Variants in UNC5C observed in about 807,000 individuals in gnomAD.
The protein encoded by UNC5C is netrin receptor UNC5C.
UNC5C carries 47 observed loss-of-function variants against 99.8 expected under a neutral mutation model. The ratio of observed to expected loss-of-function variants is 0.47; its 90% CI spans 0.37 to 0.60. The LOEUF (loss-of-function observed/expected upper bound fraction) is 0.60, where lower values mean the gene tolerates loss of function less well. Among genes scored for constraint, UNC5C ranks in the 20% least tolerant of loss-of-function variants. The pLI is 0.00. For synonymous variants in UNC5C, 487 were observed against 452.2 expected (o/e 1.08, Z -0.98); for missense variants, 1,062 against 1,165.9 (o/e 0.91, Z 1.30).
At chr4:95,484,837 G>T (rs979453506) in intron 1 of UNC5C, among the ~76,000 whole-genome samples, 7 of 151,970 alleles carry the variant, frequency 4.6e-5, no homozygotes, top group African/African-American at 1.7e-4. Flanking sequence ...CAAGGTTAAA[G>T]TAGTGAAGGT....
chr4:95,279,492 T>G (rs1740976528), intron 3 of UNC5C, among the ~76,000 whole-genome samples: 1 of 152,230 alleles, frequency 6.6e-6, no homozygotes, highest in African/African-American at 2.4e-5. Context: ...TATAATTATT[T>G]TGTTTTAATG....
intron 1 of UNC5C, among the ~76,000 whole-genome samples, chr4:95,375,893 C>T (rs181360839): frequency 1.3e-5 from 2 of 151,862 alleles, no homozygotes; most frequent in African/African-American, 2.4e-5. Flanking sequence ...CTGGCTAACA[C>T]GGTGAAACCC....
At chr4:95,420,168 GT>G (rs1560826206) in intron 1 of UNC5C, among the ~76,000 whole-genome samples, 1 of 152,050 alleles carries the variant, frequency 6.6e-6, no homozygotes, top group African/African-American at 2.4e-5. Flanking sequence ...CAGGTTAAAC[GT>G]TTTATTGGAA....
At chr4:95,237,852 G>A (rs1739177651) in intron 7 of UNC5C, among the ~76,000 whole-genome samples, 1 of 152,048 alleles carries the variant, frequency 6.6e-6, no homozygotes, top group African/African-American at 2.4e-5. Context: ...GACCATCCTG[G>A]CCAACATGGT....
intron 1 of UNC5C, among the ~76,000 whole-genome samples, chr4:95,511,494 G>A (rs1207759520): frequency 6.6e-6 from 1 of 152,024 alleles, no homozygotes; most frequent in African/African-American, 2.4e-5. Flanking sequence ...TAAATTACAT[G>A]GAGGAAAACA....
At chr4:95,436,834 G>A (rs993974720) in intron 1 of UNC5C, among the ~76,000 whole-genome samples, 1 of 151,704 alleles carries the variant, frequency 6.6e-6, no homozygotes, top group South Asian at 2.1e-4. Context: ...TAGAAATAAT[G>A]ATCTTTAATG....
intron 1 of UNC5C, among the ~76,000 whole-genome samples, chr4:95,428,162 C>G (rs900099886): frequency 6.6e-6 from 1 of 151,548 alleles, no homozygotes; most frequent in Non-Finnish European, 1.5e-5. Flanking sequence ...CATAACTGGA[C>G]ATAATTTTTA....
chr4:95,397,114 G>A (rs369935649), intron 1 of UNC5C, among the ~76,000 whole-genome samples: 5 of 152,180 alleles, frequency 3.3e-5, no homozygotes, highest in African/African-American at 1.2e-4. Context: ...CAAAGGAAGA[G>A]TCTACAGCAG....
chr4:95,490,416 TA>T (rs1220649173), intron 1 of UNC5C, among the ~76,000 whole-genome samples: 3 of 151,746 alleles, frequency 2.0e-5, no homozygotes, highest in South Asian at 2.1e-4. Context: ...AATTAATATA[TA>T]AAAAACCCCT....
chr4:95,506,696 T>A (rs545690098), intron 1 of UNC5C, among the ~76,000 whole-genome samples: 123 of 151,890 alleles, frequency 8.1e-4, no homozygotes, highest in African/African-American at 2.8e-3. Context: ...ACCTTAGCAA[T>A]CTGGGGTTGT....
chr4:95,263,042 T>C (rs1273941802), intron 4 of UNC5C, among the ~76,000 whole-genome samples: 3 of 152,116 alleles, frequency 2.0e-5, no homozygotes, highest in Non-Finnish European at 4.4e-5. Context: ...CTCGAACTCC[T>C]GACCTCAGTT....
intron 2 of UNC5C, among the ~76,000 whole-genome samples, chr4:95,323,259 C>T (rs921884460): frequency 6.6e-6 from 1 of 152,210 alleles, no homozygotes; most frequent in Admixed American, 6.5e-5. Flanking sequence ...TAAGCAGGAG[C>T]AGGAACAGTA....
intron 4 of UNC5C, among the ~76,000 whole-genome samples, chr4:95,274,939 T>C (rs367658640): frequency 8.0e-4 from 122 of 152,154 alleles, no homozygotes; most frequent in South Asian, 3.5e-3. Flanking sequence ...GGCATGAGAA[T>C]TGCTTGAACC....
rs190759022 is a variant in UNC5C, at chr4:95,480,219, A to T, written c.124+68515T>A. On this transcript the variant is annotated intron_variant, in intron 1 of 15. Transcript: ENST00000453304. ...CATATATATGTATACACAAGTATACATGTATATATACATTCATAATGTATA... is the reference window on the plus strand; with the variant it reads ...CATATATATGTATACACAAGTATACTTGTATATATACATTCATAATGTATA... 2.7e-3 allele frequency among the ~76,000 whole-genome samples: 397 copies of T among 149,168 alleles called. 4 individuals are homozygous for T. The highest frequency in any genetic ancestry group is 6.7e-3 in the Admixed American group (100 of 14,988).
At chr4:95,446,491 G>A (rs566695421) in intron 1 of UNC5C, among the ~76,000 whole-genome samples, 31 of 152,100 alleles carry the variant, frequency 2.0e-4, no homozygotes, top group African/African-American at 5.6e-4. Context: ...ACTTCAGGGC[G>A]AGGAAACAAG....
chr4:95,295,216 A>AAACAACCCCATGATGACACTGGGAGC (rs1464885452), intron 3 of UNC5C, among the ~76,000 whole-genome samples: 6 of 152,246 alleles, frequency 3.9e-5, no homozygotes, highest in Non-Finnish European at 8.8e-5. Flanking sequence ...ACACTGGAAG[A>AAACAACCCCATGATGACACTGGGAGC]AACAACCCCA....
At chr4:95,384,228 G>T (rs75888753) in intron 1 of UNC5C, among the ~76,000 whole-genome samples, 8 of 152,000 alleles carry the variant, frequency 5.3e-5, no homozygotes, top group Non-Finnish European at 1.2e-4. Flanking sequence ...TAACTATTAC[G>T]TGCTAGGTTC....
intron 3 of UNC5C, among the ~76,000 whole-genome samples, chr4:95,288,063 A>ATTACTTATTTATTTAT (rs1741300570): frequency 7.0e-6 from 1 of 143,176 alleles, no homozygotes; most frequent in South Asian, 2.3e-4. Context: ...CACTTTACAG[A>ATTACTTATTTATTTAT]TTATTTATTT....
intron 1 of UNC5C, among the ~76,000 whole-genome samples, chr4:95,482,239 C>A (rs1721179901): frequency 6.6e-6 from 1 of 151,198 alleles, no homozygotes; most frequent in Non-Finnish European, 1.5e-5. Context: ...ATTTATGCAG[C>A]CAAAAGACAC....
Sources: allele counts gnomAD v4.1 joint callset (sites outside exome capture counted in the v4.1 genomes callset), GRCh38; gene constraint gnomAD v4.1.1; transcripts MANE v1.5; gene names NCBI Gene and HGNC (gene_info 2026-07-23, HGNC 2026-07-21).